Variants in PRKN observed in about 807,000 individuals in gnomAD.
The protein encoded by PRKN is E3 ubiquitin-protein ligase parkin.
A neutral mutation model predicts 59.5 loss-of-function variants in PRKN; 56 were observed. The ratio of observed to expected loss-of-function variants is 0.94; its 90% CI spans 0.76 to 1.18. The LOEUF (loss-of-function observed/expected upper bound fraction) is 1.18. PRKN is among the 50% of genes most tolerant of loss of function. The pLI is 0.00. For missense variants in PRKN, 657 were observed against 596.4 expected, an observed-to-expected ratio of 1.10 and a Z score of -1.06; for synonymous variants, 250 against 222.1, an observed-to-expected ratio of 1.13 and a Z score of -1.12.
In PRKN at chr6:161,912,097, G is replaced by A. The variant is rs186987764; in HGVS notation, c.734+61205C>T. 3.3e-3 allele frequency among the ~76,000 whole-genome samples: 502 copies of A among 151,382 alleles called. 3 individuals carry two copies. Among genetic ancestry groups the A allele is most frequent in the African/African-American group, 0.012 (475 of 41,216 alleles). On this transcript the variant is annotated intron_variant, in intron 6 of 11. Coordinates refer to ENST00000366898, the MANE Select transcript of PRKN (RefSeq NM_004562.3). ...GGAGGCTGAGGCAGGAGAATTGCTT[G>A]AACCCAGGAGGCAGCAGTTGCAGTG... is the stretch of plus-strand genomic sequence containing the variant.
rs1242912497 is a variant in PRKN at position 161,777,908 on chromosome 6, G to GTATACATATATACTTA, written c.871+7863_871+7864insTAAGTATATATGTATA. 2.8e-4 allele frequency among the ~76,000 whole-genome samples: 40 copies of GTATACATATATACTTA among 143,776 alleles called. 1 individual carries two copies. Among genetic ancestry groups the GTATACATATATACTTA allele is most frequent in the South Asian group, 2.1e-4 (1 of 4,674 alleles). The allele number at this position is 143,776 out of a possible 152,430, so 94.3% of individuals were successfully genotyped here. A position where few individuals can be genotyped will look rare whatever the true frequency, so the allele number is the denominator to read the frequency against. On this transcript the variant is annotated intron_variant, in intron 7 of 11. Coordinates refer to ENST00000366898, the MANE Select transcript of PRKN (RefSeq NM_004562.3). ...TGTATATATATGTATACATATATAT[G>GTATACATATATACTTA]TGTATATATATGTATGTATATCTAG... is the stretch of plus-strand genomic sequence containing the variant.
chr6:162,131,979 G>A lies in PRKN; in HGVS notation c.534+69152C>T, dbSNP rs187992721. ...GGACTTGCACACCAACACCGCCGACGTGTGGTGATGGTTAACTGATCACTT... is the reference window on the plus strand; with the variant it reads ...GGACTTGCACACCAACACCGCCGACATGTGGTGATGGTTAACTGATCACTT... On this transcript the variant is annotated intron_variant, in intron 4 of 11. Transcript: ENST00000366898. Among the ~76,000 whole-genome samples, 188 of 152,308 alleles carry A rather than the reference G, an allele frequency of 1.2e-3. 2 individuals are homozygous for A. Among genetic ancestry groups the A allele is most frequent in the African/African-American group, 4.2e-3 (173 of 41,560 alleles).
chr6:162,627,873 T>A (rs146631290), intron 1 of PRKN, among the ~76,000 whole-genome samples: 2 of 151,442 alleles, frequency 1.3e-5, no homozygotes, highest in Non-Finnish European at 2.9e-5. Context: ...AGGTCAAGAG[T>A]CTAAGATGCC....
chr6:161,571,304 G>A (rs1780879606), intron 7 of PRKN, among the ~76,000 whole-genome samples: 1 of 152,134 alleles, frequency 6.6e-6, no homozygotes, highest in East Asian at 1.9e-4. Context: ...TTTGAGATAA[G>A]ACCTATGGAT....
chr6:161,603,036 A>C (rs1782161169), intron 7 of PRKN, among the ~76,000 whole-genome samples: 1 of 152,252 alleles, frequency 6.6e-6, no homozygotes, highest in South Asian at 2.1e-4. Flanking sequence ...TATTTCCAGT[A>C]GACCAGAAAG....
At chr6:161,987,044 C>T (rs1181209634) in intron 5 of PRKN, among the ~76,000 whole-genome samples, 4 of 152,174 alleles carry the variant, frequency 2.6e-5, no homozygotes, top group African/African-American at 7.2e-5. Flanking sequence ...TTTAAAGCTT[C>T]TTTTTATTCG....
intron 2 of PRKN, among the ~76,000 whole-genome samples, chr6:162,269,053 A>G (rs952337352): frequency 6.6e-6 from 1 of 152,196 alleles, no homozygotes; most frequent in Non-Finnish European, 1.5e-5. Context: ...CAGAGGAATC[A>G]GTGAGAGTAT....
At chr6:162,507,384 T>C (rs56843876) in intron 1 of PRKN, among the ~76,000 whole-genome samples, 54,105 of 151,822 alleles carry the variant, frequency 0.36, 10,106 homozygotes, top group Middle Eastern at 0.4. Context: ...GCAGAAAAGA[T>C]GACAATCAAG....
Position 162,679,741 on chromosome 6 carries a change from C to T in PRKN, c.7+47921G>A, listed in dbSNP as rs532727256. ...TGATAATAACCCCTTCTCAAAAGGG[C>T]GAATACTTTACTTCAGTATCAATAC... is the stretch of plus-strand genomic sequence containing the variant. On this transcript the variant is annotated intron_variant, in intron 1 of 11. Coordinates refer to ENST00000366898, the MANE Select transcript of PRKN (RefSeq NM_004562.3). Among the ~76,000 whole-genome samples the T allele has an allele frequency of 3.3e-5, 5 of 152,144 alleles. No homozygotes were observed. The South Asian group carries it at 6.2e-4, about 19-fold the overall frequency.
chr6:161,533,861 C>T lies in PRKN; in HGVS notation c.1083+14993G>A, dbSNP rs1234293521. 6.6e-6 allele frequency among the ~76,000 whole-genome samples: 1 copy of T among 152,084 alleles called. No individual in the cohort carries two copies. The highest frequency in any genetic ancestry group is 2.1e-4 in the South Asian group (1 of 4,824). On this transcript the variant is annotated intron_variant, in intron 9 of 11. Coordinates refer to ENST00000366898, the MANE Select transcript of PRKN (RefSeq NM_004562.3). This position sits in a 1 kb window ranked among gnomAD's most constrained non-coding sequence, Gnocchi z 4.1. ...AACCCTGGGGATTTACCCTAGACTA[C>T]GATGCTGCTTCACTAGTAGGAAGAG...
intron 9 of PRKN, among the ~76,000 whole-genome samples, chr6:161,485,400 G>A (rs957463729): frequency 1.3e-5 from 2 of 152,066 alleles, no homozygotes; most frequent in Non-Finnish European, 2.9e-5. Flanking sequence ...CCTTGCTCTT[G>A]CCTGTGTTCT....
chr6:161,834,729 T>C (rs954305776), intron 6 of PRKN, among the ~76,000 whole-genome samples: 1 of 152,042 alleles, frequency 6.6e-6, no homozygotes, highest in Admixed American at 6.6e-5. Flanking sequence ...AGTTTGAGGG[T>C]TTCAGAGAAT....
At chr6:161,351,449 C>T (rs373953314) in intron 11 of PRKN, among the ~76,000 whole-genome samples, 190 of 151,764 alleles carry the variant, frequency 1.3e-3, no homozygotes, top group South Asian at 5.8e-3. Context: ...CTCAGCCTCC[C>T]GAGTAGCTGG....
At chr6:161,693,870 A>G (rs780929499) in intron 7 of PRKN, among the ~76,000 whole-genome samples, 9 of 152,248 alleles carry the variant, frequency 5.9e-5, no homozygotes, top group Non-Finnish European at 1.0e-4. Flanking sequence ...AAATAGCTCT[A>G]AGCCCTTTTC....
At chr6:162,021,462 T>TATATATATATATATATATATA (rs1554261961) in intron 5 of PRKN, among the ~76,000 whole-genome samples, 1 of 38,784 alleles carries the variant, frequency 2.6e-5, no homozygotes, top group Admixed American at 3.3e-4. Flanking sequence ...TATATATATA[T>TATATATATATATATATATATA]TTTTTTTTTT....
intron 7 of PRKN, among the ~76,000 whole-genome samples, chr6:161,684,904 C>T (rs1297654672): frequency 1.3e-5 from 2 of 152,102 alleles, no homozygotes; most frequent in Admixed American, 1.3e-4. Flanking sequence ...TCTTACACCA[C>T]ATCTCCATCT....
At chr6:161,638,730 G>A (rs1469806481) in intron 7 of PRKN, among the ~76,000 whole-genome samples, 3 of 127,252 alleles carry the variant, frequency 2.4e-5, no homozygotes, top group Non-Finnish European at 4.8e-5. Flanking sequence ...GAGTTCTCAC[G>A]AGATCTGATT....
intron 1 of PRKN, among the ~76,000 whole-genome samples, chr6:162,718,014 T>C (rs1778793246): frequency 6.6e-6 from 1 of 152,186 alleles, no homozygotes; most frequent in African/African-American, 2.4e-5. Context: ...AAGATATAAT[T>C]TGCCGGTATA....
intron 2 of PRKN, among the ~76,000 whole-genome samples, chr6:162,358,749 G>C (rs1784990176): frequency 6.6e-6 from 1 of 151,862 alleles, no homozygotes; most frequent in Admixed American, 6.6e-5. Context: ...CTCCAAAGTA[G>C]TGCTCACTAT....
Sources: allele counts gnomAD v4.1 joint callset (sites outside exome capture counted in the v4.1 genomes callset), GRCh38; gene constraint gnomAD v4.1.1; non-coding constraint Gnocchi (gnomAD v3.1); transcripts MANE v1.5; gene names NCBI Gene and HGNC (gene_info 2026-07-23, HGNC 2026-07-21).